The following GPR149 variants were observed in gnomAD, a reference collection of about 807,000 sequenced individuals.
The protein encoded by GPR149 is G protein-coupled receptor 149.
GPR149 carries 50 observed loss-of-function variants against 50.2 expected under a neutral mutation model. The observed-to-expected ratio is 1.00, with a 90% CI of 0.79 to 1.26. GPR149 has a LOEUF of 1.26. Ranked by LOEUF, GPR149 falls within the 50% of genes most tolerant of loss-of-function variation. The probability of loss-of-function intolerance (pLI) is 0.00; values close to 1 mark genes in which losing one functional copy is unlikely to be tolerated. For missense variants in GPR149, 983 were observed against 895.4 expected, an observed-to-expected ratio of 1.10 and a Z score of -1.25; for synonymous variants, 405 against 358.2, an observed-to-expected ratio of 1.13 and a Z score of -1.48.
intron 3 of GPR149, among the ~76,000 whole-genome samples, chr3:154,358,175 T>C (rs1178516123): frequency 6.6e-6 from 1 of 151,990 alleles, no homozygotes; most frequent in African/African-American, 2.4e-5. Context: ...AGCATTAGGA[T>C]ATATACCTAA....
intron 3 of GPR149, among the ~76,000 whole-genome samples, chr3:154,347,533 A>G (rs1336856960): frequency 6.6e-6 from 1 of 152,252 alleles, no homozygotes; most frequent in East Asian, 1.9e-4. Flanking sequence ...ACTACAATTC[A>G]AGATGAGATT....
chr3:154,399,959 G>A (rs1051742129), intron 3 of GPR149, among the ~76,000 whole-genome samples: 1 of 151,988 alleles, frequency 6.6e-6, no homozygotes, highest in African/African-American at 2.4e-5. Context: ...TATCATATAC[G>A]TGTGTCAATA....
At chr3:154,393,215 C>T (rs1715210837) in intron 3 of GPR149, among the ~76,000 whole-genome samples, 1 of 151,882 alleles carries the variant, frequency 6.6e-6, no homozygotes. Flanking sequence ...CAACAACTTA[C>T]TAAGAGGATC....
chr3:154,352,972 G>C, intron 3 of GPR149: 1 of 1,037,304 alleles, frequency 9.6e-7, no homozygotes, highest in Non-Finnish European at 1.5e-6. Context: ...TCTACTTCAG[G>C]AATGTGCAAA....
At chr3:154,355,649 A>G (rs1714202048) in intron 3 of GPR149, among the ~76,000 whole-genome samples, 1 of 152,230 alleles carries the variant, frequency 6.6e-6, no homozygotes, top group South Asian at 2.1e-4. Context: ...GAAAGCATAC[A>G]CTGATTGTAA....
chr3:154,383,503 G>C (rs1352798563), intron 3 of GPR149, among the ~76,000 whole-genome samples: 1 of 152,052 alleles, frequency 6.6e-6, no homozygotes, highest in East Asian at 1.9e-4. Context: ...CCATATCGAA[G>C]TAGTTAAAAA....
At chr3:154,402,694 A>G (rs535566253) in intron 3 of GPR149, among the ~76,000 whole-genome samples, 3 of 152,136 alleles carry the variant, frequency 2.0e-5, no homozygotes, top group African/African-American at 7.2e-5. Flanking sequence ...TGCTGGACTT[A>G]CCACTCCACC....
At chr3:154,375,971 C>A (rs1348319105) in intron 3 of GPR149, among the ~76,000 whole-genome samples, 1 of 152,210 alleles carries the variant, frequency 6.6e-6, no homozygotes, top group African/African-American at 2.4e-5. Context: ...GGAACTCACA[C>A]CATCAGCTCC....
chr3:154,359,103 G>C (rs1384857082), intron 3 of GPR149, among the ~76,000 whole-genome samples: 1 of 151,960 alleles, frequency 6.6e-6, no homozygotes, highest in Non-Finnish European at 1.5e-5. Flanking sequence ...TAAATCAATG[G>C]AATTTTCTTC....
chr3:154,403,498 G>C (rs1253067205), intron 3 of GPR149, among the ~76,000 whole-genome samples: 1 of 152,094 alleles, frequency 6.6e-6, no homozygotes, highest in Non-Finnish European at 1.5e-5. Context: ...TTTTTAGTTA[G>C]AGGTAGAACC....
At chr3:154,354,707 TA>T in intron 3 of GPR149, 1 of 546,236 alleles carries the variant, frequency 1.8e-6, no homozygotes. Context: ...TTAGGTTCAA[TA>T]AATACCTTTT....
chr3:154,420,694 G>A (rs1229600406), intron 3 of GPR149, among the ~76,000 whole-genome samples: 1 of 151,798 alleles, frequency 6.6e-6, no homozygotes, highest in African/African-American at 2.4e-5. Context: ...GAATGGAGGA[G>A]GGAAAAATAA....
intron 3 of GPR149, among the ~76,000 whole-genome samples, chr3:154,415,742 G>A (rs1355547197): frequency 6.6e-6 from 1 of 151,596 alleles, no homozygotes; most frequent in African/African-American, 2.4e-5. Context: ...TTTGCTTATC[G>A]GCAATTTCTA....
At chr3:154,373,558 T>C (rs1295417898) in intron 3 of GPR149, among the ~76,000 whole-genome samples, 2 of 152,216 alleles carry the variant, frequency 1.3e-5, no homozygotes, top group Non-Finnish European at 2.9e-5. Context: ...TCTCTTGTTA[T>C]GTTTGTTTGT....
At chr3:154,360,162 T>C (rs886494293) in intron 3 of GPR149, among the ~76,000 whole-genome samples, 1 of 152,218 alleles carries the variant, frequency 6.6e-6, no homozygotes, top group African/African-American at 2.4e-5. Flanking sequence ...TTTAAAGTAA[T>C]GATTCTCAAA....
intron 3 of GPR149, among the ~76,000 whole-genome samples, chr3:154,346,133 A>T (rs1012757904): frequency 1.3e-5 from 2 of 152,204 alleles, no homozygotes; most frequent in African/African-American, 2.4e-5. Context: ...ACTCATATAG[A>T]TGATCGTTAG....
intron 3 of GPR149, among the ~76,000 whole-genome samples, chr3:154,405,856 T>C (rs1037138085): frequency 6.6e-6 from 1 of 151,844 alleles, no homozygotes; most frequent in African/African-American, 2.4e-5. Flanking sequence ...GTGAATTCCA[T>C]TTTAAACTGG....
At position 154,353,417 on chromosome 3, in the gene GPR149, A is replaced by G. The variant is rs1576901730; in HGVS notation, c.1624-15146T>C. ...CAGTTTTGTAGGATTTGTGAATCAC[A>G]TCTTCAACTTGTTCATTAAAATCTA... On this transcript the variant is annotated intron_variant, in intron 3 of 3. Transcript: ENST00000389740. The G allele has an allele frequency of 1.2e-5, 13 of 1,068,648 alleles. No individual in the cohort carries two copies. The East Asian group carries it at 2.4e-4, about 19-fold the overall frequency. 66.2% of individuals were successfully genotyped at this position (1,068,648 alleles called of 1,614,324 possible).
rs567762524 is a variant in GPR149 at position 154,427,446 on chromosome 3, T to C, written c.1174+70A>G. 20 of 1,421,026 alleles carry C rather than the reference T, an allele frequency of 1.4e-5. No homozygotes were observed. In the East Asian group the frequency reaches 4.6e-4, roughly 33 times the overall value. The allele number at this position is 1,421,026 out of a possible 1,614,324, so 88.0% of individuals were successfully genotyped here. ...TCCATCCCCTACTGAGGCAACTTTG[T>C]TAATAGACCACTTTTCTGAAAGTCA... On this transcript the variant is annotated intron_variant, in intron 2 of 3. Transcript: ENST00000389740.
Sources: allele counts gnomAD v4.1 joint callset (sites outside exome capture counted in the v4.1 genomes callset), GRCh38; gene constraint gnomAD v4.1.1; transcripts MANE v1.5; gene names NCBI Gene and HGNC (gene_info 2026-07-23, HGNC 2026-07-21).